Variants in GNAZ observed in about 807,000 individuals in gnomAD.
The protein encoded by GNAZ is G protein subunit alpha z.
A neutral mutation model predicts 25.4 loss-of-function variants in GNAZ; 3 were observed. The ratio of observed to expected loss-of-function variants is 0.12; its 90% CI spans 0.05 to 0.30. The LOEUF is 0.30. Among genes scored for constraint, GNAZ ranks in the 10% least tolerant of loss-of-function variants. GNAZ has a pLI of 1.00. For missense variants in GNAZ, 241 were observed against 501.8 expected (o/e 0.48, Z 4.97); for synonymous variants, 211 against 205.7 (o/e 1.03, Z -0.22).
chr22:23,095,318 A>C lies in GNAZ; in HGVS notation c.-378A>C, dbSNP rs988734075. On this transcript the variant is annotated 5_prime_UTR_variant, in exon 2 of 3. Coordinates refer to ENST00000615612, the MANE Select transcript of GNAZ (RefSeq NM_002073.4). Reference sequence around the variant, plus strand: ...GGAGCACACCAGCGACCGGCCCTCCAACCCTCCAGCCACTCAGCAACATCG... The same window carrying C: ...GGAGCACACCAGCGACCGGCCCTCCCACCCTCCAGCCACTCAGCAACATCG... 1 of 251,332 alleles carries C rather than the reference A, an allele frequency of 4.0e-6. No individual in the cohort carries two copies. The highest frequency in any genetic ancestry group is 7.8e-6 in the Non-Finnish European group (1 of 128,256). The allele number at this position is 251,332 out of a possible 1,614,324, so 15.6% of individuals were successfully genotyped here.
chr22:23,116,405 G>A (rs1053248843), intron 2 of GNAZ, among the ~76,000 whole-genome samples: 1 of 152,264 alleles, frequency 6.6e-6, no homozygotes, highest in Admixed American at 6.5e-5. Context: ...GGCACCTGAG[G>A]ACATTTGCAG....
chr22:23,118,325 TATAA>T (rs2069909704), intron 2 of GNAZ, among the ~76,000 whole-genome samples: 1 of 152,244 alleles, frequency 6.6e-6, no homozygotes. Context: ...GTGTTATTTA[TATAA>T]ATAAATGTGC....
At chr22:23,073,169 A>C (rs1199356696) in intron 1 of GNAZ, among the ~76,000 whole-genome samples, 1 of 152,240 alleles carries the variant, frequency 6.6e-6, no homozygotes, top group Non-Finnish European at 1.5e-5. Flanking sequence ...GCTGCTGACC[A>C]TGGCAGGTGC....
intron 2 of GNAZ, among the ~76,000 whole-genome samples, chr22:23,119,296 CT>C (rs2069939219): frequency 6.6e-6 from 1 of 152,248 alleles, no homozygotes; most frequent in African/African-American, 2.4e-5. Flanking sequence ...CTGGCAACAC[CT>C]TTCCCCACTG....
At chr22:23,119,068 T>C (rs2069933973) in intron 2 of GNAZ, among the ~76,000 whole-genome samples, 2 of 152,238 alleles carry the variant, frequency 1.3e-5, no homozygotes, top group South Asian at 4.1e-4. Context: ...GCTTCCCATA[T>C]GCATGCTTGA....
rs1260802742 is a variant in GNAZ, at chr22:23,096,437, T to G, written c.723+19T>G. The G allele has an allele frequency of 5.1e-6, 8 of 1,581,198 alleles. No homozygotes were observed. The highest frequency in any genetic ancestry group is 1.7e-5 in the Admixed American group (1 of 59,218). The stretch of plus-strand genomic sequence containing the variant: ...CCAGACAGTAAGTGGGGCCGGGGGT[T>G]TTCCTCTGCTTGTTCCTGCTGTCGT... On this transcript the variant is annotated intron_variant, in intron 2 of 2. Coordinates refer to ENST00000615612, the MANE Select transcript of GNAZ (RefSeq NM_002073.4).
rs2070095213 is a variant in GNAZ, at chr22:23,123,661, C to G, written c.*230C>G. 18 of 556,570 alleles carry G rather than the reference C, an allele frequency of 3.2e-5. No individual in the cohort carries two copies. In the South Asian group the frequency reaches 4.2e-4, roughly 13 times the overall value. The allele number at this position is 556,570 out of a possible 1,614,324, so 34.5% of individuals were successfully genotyped here. A position where few individuals can be genotyped will look rare whatever the true frequency, so the allele number is the denominator to read the frequency against. ...TGCACACACACACATCTGGAGATGG[C>G]AAAATCCTCTAAAATGTCGAGGTCT... On this transcript the variant is annotated 3_prime_UTR_variant, in exon 3 of 3. Coordinates refer to ENST00000615612, the MANE Select transcript of GNAZ (RefSeq NM_002073.4).
chr22:23,124,214 G>GT lies in GNAZ; in HGVS notation c.*798dup, dbSNP rs755464439. ...CATTTTTTTTTTGTTTTGTTTTTTG[G>GT]TTTTTTTTTTTTTTTGGCCAAATCT... On this transcript the variant is annotated 3_prime_UTR_variant, in exon 3 of 3. Coordinates refer to ENST00000615612, the MANE Select transcript of GNAZ (RefSeq NM_002073.4). The GT allele has an allele frequency of 0.037, 5,393 of 145,980 alleles. 173 individuals are homozygous for GT. The highest frequency in any genetic ancestry group is 0.1 in the African/African-American group (3,514 of 33,678). 9.0% of individuals were successfully genotyped at this position (145,980 alleles called of 1,614,324 possible). A position where few individuals can be genotyped will look rare whatever the true frequency, so the allele number is the denominator to read the frequency against.
At chr22:23,116,249 A>G (rs2084897245) in intron 2 of GNAZ, among the ~76,000 whole-genome samples, 1 of 152,266 alleles carries the variant, frequency 6.6e-6, no homozygotes, top group South Asian at 2.1e-4. Flanking sequence ...CTCGAGGCAC[A>G]GTGAGTTGTG....
At chr22:23,084,270 A>T (rs1246865654) in intron 1 of GNAZ, among the ~76,000 whole-genome samples, 1 of 152,226 alleles carries the variant, frequency 6.6e-6, no homozygotes, top group East Asian at 1.9e-4. Context: ...TAGAAGCCTT[A>T]CTTTGAGTAC....
intron 2 of GNAZ, among the ~76,000 whole-genome samples, chr22:23,121,851 A>AG (rs1165542073): frequency 2.0e-5 from 3 of 151,122 alleles, no homozygotes; most frequent in Non-Finnish European, 4.4e-5. Flanking sequence ...CCTCCCAAGG[A>AG]GCTGGGATTA....
rs5751585 is a variant in GNAZ at position 23,123,561 on chromosome 22, C to T, written c.*130C>T. The T allele has an allele frequency of 6.4e-6, 4 of 623,750 alleles. No individual in the cohort carries two copies. The highest frequency in any genetic ancestry group is 1.1e-5 in the Non-Finnish European group (4 of 354,484). The allele number at this position is 623,750 out of a possible 1,614,324, so 38.6% of individuals were successfully genotyped here. ...AAGAATGTCCCCCACCCCTTGGCCT[C>T]TGCCTCCTTGGCCCCACATTTCTGC... On this transcript the variant is annotated 3_prime_UTR_variant, in exon 3 of 3. Transcript: ENST00000615612.
intron 2 of GNAZ, among the ~76,000 whole-genome samples, chr22:23,117,752 ATGACT>A (rs1041247238): frequency 4.2e-4 from 64 of 152,348 alleles, no homozygotes; most frequent in African/African-American, 1.4e-3. Flanking sequence ...GAGAAAGGAA[ATGACT>A]TGTCCAAGGT....
At chr22:23,074,102 T>C (rs951450179) in intron 1 of GNAZ, among the ~76,000 whole-genome samples, 1 of 152,038 alleles carries the variant, frequency 6.6e-6, no homozygotes, top group Non-Finnish European at 1.5e-5. Context: ...CAGGGCCAGG[T>C]CCTGCAGGAC....
intron 1 of GNAZ, among the ~76,000 whole-genome samples, chr22:23,085,621 G>A (rs2068795846): frequency 6.6e-6 from 1 of 152,128 alleles, no homozygotes; most frequent in Admixed American, 6.5e-5. Flanking sequence ...GAGGACAAGG[G>A]GTGCAGTGTT....
chr22:23,113,678 C>T (rs2069726149), intron 2 of GNAZ, among the ~76,000 whole-genome samples: 1 of 152,264 alleles, frequency 6.6e-6, no homozygotes, highest in African/African-American at 2.4e-5. Context: ...CCACTCGGTA[C>T]ACCTGCCAGG....
intron 2 of GNAZ, among the ~76,000 whole-genome samples, chr22:23,103,522 C>T (rs1005542667): frequency 1.4e-4 from 22 of 152,242 alleles, no homozygotes; most frequent in African/African-American, 4.8e-4. Context: ...TGCATCTGTT[C>T]GTGTTTACCC....
intron 1 of GNAZ, among the ~76,000 whole-genome samples, chr22:23,074,836 A>C (rs180711885): frequency 1.3e-5 from 2 of 152,266 alleles, no homozygotes; most frequent in Admixed American, 1.3e-4. Flanking sequence ...TGAGCAATGC[A>C]GGCACAGCTG....
At chr22:23,072,930 C>T (rs1164507880) in intron 1 of GNAZ, among the ~76,000 whole-genome samples, 1 of 152,210 alleles carries the variant, frequency 6.6e-6, no homozygotes, top group Non-Finnish European at 1.5e-5. Flanking sequence ...CAGGAATTTG[C>T]AGGTAACTGG....
Sources: allele counts gnomAD v4.1 joint callset (sites outside exome capture counted in the v4.1 genomes callset), GRCh38; gene constraint gnomAD v4.1.1; transcripts MANE v1.5; gene names NCBI Gene and HGNC (gene_info 2026-07-23, HGNC 2026-07-21).